The following DNAI4 variants were observed in gnomAD, a reference collection of about 807,000 sequenced individuals.
DNAI4 encodes the protein WD repeat domain 78.
DNAI4 carries 85 observed loss-of-function variants against 105.8 expected under a neutral mutation model. The observed-to-expected ratio is 0.80, with a 90% CI of 0.67 to 0.96. DNAI4 has a LOEUF of 0.96. Among genes scored for constraint, DNAI4 ranks in the 40% least tolerant of loss-of-function variants. The probability of loss-of-function intolerance (pLI) is 0.00; values close to 1 mark genes in which losing one functional copy is unlikely to be tolerated. For synonymous variants in DNAI4, 352 were observed against 331.5 expected (o/e 1.06, Z -0.67); for missense variants, 1,014 against 1,005.6 (o/e 1.01, Z -0.11).
chr1:66,845,217 T>TAA (rs869249698), intron 8 of DNAI4, among the ~76,000 whole-genome samples: 20 of 38,106 alleles, frequency 5.2e-4, no homozygotes, highest in Non-Finnish European at 9.4e-4. Flanking sequence ...AAAGAAAAAT[T>TAA]AAAAAAAAAA....
chr1:66,890,057 AG>A lies in DNAI4; in HGVS notation c.643+1096del, dbSNP rs1201101987. 1.3e-5 allele frequency: 2 copies of A among 152,258 alleles called. No homozygotes were observed. Among genetic ancestry groups the A allele is most frequent in the Non-Finnish European group, 2.9e-5 (2 of 68,086 alleles). The allele number at this position is 152,258 out of a possible 1,614,324, so 9.4% of individuals were successfully genotyped here. A position where few individuals can be genotyped will look rare whatever the true frequency, so the allele number is the denominator to read the frequency against. On this transcript the variant is annotated intron_variant, in intron 4 of 16. Coordinates refer to ENST00000371026, the MANE Select transcript of DNAI4 (RefSeq NM_024763.5). This position sits in a 1 kb window ranked among gnomAD's most constrained non-coding sequence, Gnocchi z 4.1. ...TTTGGTGGCTCACACTGATAATCCC[AG>A]TACTTTGGGAGGCCGAGGCACACAG...
chr1:66,819,668 T>TTA (rs199667464), intron 16 of DNAI4, among the ~76,000 whole-genome samples: 29 of 151,584 alleles, frequency 1.9e-4, no homozygotes, highest in East Asian at 5.8e-4. Context: ...TTGACAGGTT[T>TTA]TATATATATA....
At chr1:66,820,836 G>A (rs971409473) in intron 16 of DNAI4, among the ~76,000 whole-genome samples, 2 of 151,854 alleles carry the variant, frequency 1.3e-5, no homozygotes, top group South Asian at 2.1e-4. Context: ...TTTAACATTT[G>A]TAGTCTGTAT....
intron 8 of DNAI4, among the ~76,000 whole-genome samples, chr1:66,843,510 T>C (rs1646199394): frequency 6.6e-6 from 1 of 152,214 alleles, no homozygotes; most frequent in Non-Finnish European, 1.5e-5. Flanking sequence ...ACAGTGTCTT[T>C]TGCAGAGCAG....
Position 66,881,274 on chromosome 1 carries a change from A to G in DNAI4, c.644-6337T>C, listed in dbSNP as rs547626294. Among the ~76,000 whole-genome samples the G allele has an allele frequency of 2.0e-5, 3 of 152,314 alleles. No individual in the cohort carries two copies. In the East Asian group the frequency reaches 5.8e-4, roughly 29 times the overall value. ...GTGGAGCCTTGAGAAGAGGACCACC[A>G]TCCTCCAGACCCCAGAATGGTAGAT... is the stretch of plus-strand genomic sequence containing the variant. On this transcript the variant is annotated intron_variant, in intron 4 of 16. Transcript: ENST00000371026.
chr1:66,899,445 A>G (rs1364237890), intron 2 of DNAI4, among the ~76,000 whole-genome samples: 1 of 152,204 alleles, frequency 6.6e-6, no homozygotes, highest in Non-Finnish European at 1.5e-5. Flanking sequence ...ATTTGTCTTT[A>G]TTAATGAATT....
chr1:66,862,624 A>C (rs1017509255), intron 6 of DNAI4, among the ~76,000 whole-genome samples: 1 of 152,232 alleles, frequency 6.6e-6, no homozygotes, highest in African/African-American at 2.4e-5. Flanking sequence ...ATTGTTTTAC[A>C]ATATAACTGG....
At chr1:66,866,860 C>T (rs1451516078) in intron 6 of DNAI4, among the ~76,000 whole-genome samples, 1 of 151,938 alleles carries the variant, frequency 6.6e-6, no homozygotes, top group African/African-American at 2.4e-5. Context: ...TAAAAATTAC[C>T]AAGGGTAATT....
chr1:66,860,558 A>G (rs1444426201), intron 7 of DNAI4, among the ~76,000 whole-genome samples: 1 of 152,000 alleles, frequency 6.6e-6, no homozygotes, highest in Non-Finnish European at 1.5e-5. Flanking sequence ...TTGACTGGCT[A>G]TAATAGTAAA....
chr1:66,889,941 C>T (rs1647452911), intron 4 of DNAI4, among the ~76,000 whole-genome samples: 1 of 152,148 alleles, frequency 6.6e-6, no homozygotes, highest in African/African-American at 2.4e-5. Flanking sequence ...TTAATCACTC[C>T]TTTCTAAGTG....
At position 66,916,541 on chromosome 1, in the gene DNAI4, G is replaced by C. The variant is rs546538186; in HGVS notation, c.170+8121C>G. Among the ~76,000 whole-genome samples, 3 of 152,206 alleles carry C rather than the reference G, an allele frequency of 2.0e-5. No individual in the cohort carries two copies. The South Asian group carries it at 6.2e-4, about 32-fold the overall frequency. ...AATTAAAGCCATTCAACTCTTCAAG[G>C]TCCCGTGACTGTTGTGAAAGAGGTT... is the stretch of plus-strand genomic sequence containing the variant. On this transcript the variant is annotated intron_variant, in intron 1 of 16. Transcript: ENST00000371026.
chr1:66,872,745 TAA>T (rs1557945451), intron 5 of DNAI4, among the ~76,000 whole-genome samples: 11 of 152,070 alleles, frequency 7.2e-5, no homozygotes. Context: ...ATAATAATAA[TAA>T]GAGATGTGGT....
chr1:66,891,510 G>A (rs113857269), intron 3 of DNAI4, among the ~76,000 whole-genome samples: 4 of 152,314 alleles, frequency 2.6e-5, no homozygotes, highest in African/African-American at 9.6e-5. Flanking sequence ...CACCCAGGCT[G>A]TAGTGCAGTG....
intron 5 of DNAI4, among the ~76,000 whole-genome samples, chr1:66,872,280 G>A (rs1169732652): frequency 6.6e-6 from 1 of 151,600 alleles, no homozygotes; most frequent in Non-Finnish European, 1.5e-5. Flanking sequence ...CCAGGCTGGA[G>A]TGCAGTGGCG....
Position 66,836,320 on chromosome 1 carries a change from GAAA to G in DNAI4, c.1582-546_1582-544del, listed in dbSNP as rs879717512. On this transcript the variant is annotated intron_variant, in intron 10 of 16. Coordinates refer to ENST00000371026, the MANE Select transcript of DNAI4 (RefSeq NM_024763.5). ...AGAAAGAAAGAAAGAAAGAAAGAAA[GAAA>G]GAAGGAAAGAGGGAAGGAAGGGAGG... Among the ~76,000 whole-genome samples, 727 of 142,262 alleles carry G rather than the reference GAAA, an allele frequency of 5.1e-3. 12 individuals carry two copies. Among genetic ancestry groups the G allele is most frequent in the African/African-American group, 0.014 (545 of 37,630 alleles). 93.3% of individuals were successfully genotyped at this position (142,262 alleles called of 152,430 possible). A position where few individuals can be genotyped will look rare whatever the true frequency, so the allele number is the denominator to read the frequency against.
At chr1:66,842,922 G>T (rs1335702529) in intron 8 of DNAI4, among the ~76,000 whole-genome samples, 7 of 151,998 alleles carry the variant, frequency 4.6e-5, no homozygotes, top group Non-Finnish European at 1.0e-4. Flanking sequence ...GAAAGGTCAG[G>T]TGTAGTGGCT....
chr1:66,836,210 GA>G (rs1645996970), intron 10 of DNAI4, among the ~76,000 whole-genome samples: 1 of 45,352 alleles, frequency 2.2e-5, no homozygotes, highest in South Asian at 8.9e-4. Context: ...GAAAGAAAGA[GA>G]GAGAGAGAGA....
chr1:66,905,423 G>C (rs553123728), intron 1 of DNAI4, 48 bp from the exon 2 acceptor site: 6 of 1,270,340 alleles, frequency 4.7e-6, no homozygotes, highest in Non-Finnish European at 6.2e-6. Context: ...AGATTGAAAA[G>C]AAAAATCAAC....
At position 66,920,921 on chromosome 1, in the gene DNAI4, C is replaced by G. The variant is rs1377891280; in HGVS notation, c.170+3741G>C. Among the ~76,000 whole-genome samples the G allele has an allele frequency of 3.3e-5, 5 of 152,202 alleles. No individual in the cohort carries two copies. The East Asian group carries it at 9.6e-4, about 29-fold the overall frequency. Reference sequence around the variant, plus strand: ...CCTAGCCACACAAACATAAAACACACTATCAGCCTATTTAATCTCAGTTCA... The same window carrying G: ...CCTAGCCACACAAACATAAAACACAGTATCAGCCTATTTAATCTCAGTTCA... On this transcript the variant is annotated intron_variant, in intron 1 of 16. Transcript: ENST00000371026.
Sources: allele counts gnomAD v4.1 joint callset (sites outside exome capture counted in the v4.1 genomes callset), GRCh38; gene constraint gnomAD v4.1.1; non-coding constraint Gnocchi (gnomAD v3.1); transcripts MANE v1.5; gene names NCBI Gene and HGNC (gene_info 2026-07-23, HGNC 2026-07-21).